The following SPATA31F1 variants were observed in gnomAD, a reference collection of about 807,000 sequenced individuals.
SPATA31F1 encodes SPATA31 subfamily F member 1.
chr9:34,723,298 G>T, the SPATA31F1 span: 3 of 1,551,620 alleles, frequency 1.9e-6, no homozygotes, highest in Non-Finnish European at 2.6e-6. Flanking sequence ...AGTGGCGGGG[G>T]TAGCCCAGGG....
chr9:34,724,704 T>C, the SPATA31F1 span: 1 of 1,550,254 alleles, frequency 6.5e-7, no homozygotes, highest in Non-Finnish European at 8.7e-7. Flanking sequence ...CAACTCTCAT[T>C]GTTGCCTTGA....
chr9:34,729,445 C>T, the SPATA31F1 span: 1 of 1,541,710 alleles, frequency 6.5e-7, no homozygotes, highest in Non-Finnish European at 8.8e-7. Flanking sequence ...ACTTCATTAG[C>T]ATGAGATCAA....
chr9:34,723,265 C>G, the SPATA31F1 span: 1 of 1,551,602 alleles, frequency 6.4e-7, no homozygotes, highest in Non-Finnish European at 8.7e-7. Context: ...TGGCACAAGC[C>G]TCTCGAGGAC....
chr9:34,729,461 C>T, the SPATA31F1 span: 5 of 1,527,214 alleles, frequency 3.3e-6, no homozygotes, highest in Non-Finnish European at 4.4e-6. Context: ...ATCAACCATC[C>T]CTCTATCTCG....
chr9:34,726,118 A>G, the SPATA31F1 span: 1 of 1,463,756 alleles, frequency 6.8e-7, no homozygotes, highest in Non-Finnish European at 9.3e-7. Flanking sequence ...ACCATTCAGA[A>G]ACCCAGAAGG....
At chr9:34,726,268 G>A in the SPATA31F1 span, 3 of 1,531,116 alleles carry the variant, frequency 2.0e-6, no homozygotes, top group South Asian at 1.2e-5. Context: ...ACAATGGTGG[G>A]TTTGGCATAA....
At chr9:34,723,741 G>C in the SPATA31F1 span, 1 of 1,551,718 alleles carries the variant, frequency 6.4e-7, no homozygotes, top group Non-Finnish European at 8.7e-7. Context: ...GGCTGACCCT[G>C]TGAAGCCTGG....
At chr9:34,726,394 G>T in the SPATA31F1 span, 3 of 1,548,374 alleles carry the variant, frequency 1.9e-6, no homozygotes, top group Non-Finnish European at 2.6e-6. Flanking sequence ...ATGGCAGGTG[G>T]GCAGGGAGGA....
chr9:34,728,350 C>T, the SPATA31F1 span, among the ~76,000 whole-genome samples: 1 of 152,190 alleles, frequency 6.6e-6, no homozygotes, highest in Non-Finnish European at 1.5e-5. Context: ...AAATGACTTC[C>T]ACAGGGTCAT....
At chr9:34,724,261 G>A in the SPATA31F1 span, 9 of 1,551,512 alleles carry the variant, frequency 5.8e-6, no homozygotes, top group South Asian at 1.2e-5. Flanking sequence ...GTGAGATCTT[G>A]GAGACCGAGT....
chr9:34,727,035 T>C, the SPATA31F1 span: 2 of 1,520,588 alleles, frequency 1.3e-6, no homozygotes, highest in Non-Finnish European at 1.8e-6. Context: ...GACATCTGCC[T>C]TCTTGGAAGA....
the SPATA31F1 span, chr9:34,723,718 T>C: frequency 6.4e-7 from 1 of 1,551,724 alleles, no homozygotes; most frequent in African/African-American, 1.4e-5. Context: ...CCTGAGTTGG[T>C]TGGCTCAGGA....
chr9:34,729,138 A>C, the SPATA31F1 span: 1 of 1,008,190 alleles, frequency 9.9e-7, no homozygotes, highest in African/African-American at 1.6e-5. Flanking sequence ...GTAAGGAATT[A>C]TAGTCTCTGA....
chr9:34,728,240 C>G, the SPATA31F1 span, among the ~76,000 whole-genome samples: 1 of 152,198 alleles, frequency 6.6e-6, no homozygotes, highest in African/African-American at 2.4e-5. Flanking sequence ...CGCTGTAACA[C>G]AATGTCCCAT....
chr9:34,728,375 A>T, the SPATA31F1 span, among the ~76,000 whole-genome samples: 1 of 152,274 alleles, frequency 6.6e-6, no homozygotes, highest in African/African-American at 2.4e-5. Context: ...CTAGTAAGTT[A>T]TACAATTAAG....
the SPATA31F1 span, chr9:34,725,775 G>C: frequency 6.5e-7 from 1 of 1,548,886 alleles, no homozygotes; most frequent in Non-Finnish European, 8.7e-7. Context: ...GAAGAGGGTG[G>C]GGCTGACTGG....
At chr9:34,723,490 A>G in the SPATA31F1 span, 1 of 1,551,830 alleles carries the variant, frequency 6.4e-7, no homozygotes, top group Non-Finnish European at 8.7e-7. Flanking sequence ...GGCTCTTTGC[A>G]ACATTTTCTT....
At chr9:34,725,866 T>C in the SPATA31F1 span, 1 of 1,551,998 alleles carries the variant, frequency 6.4e-7, no homozygotes, top group Non-Finnish European at 8.7e-7. Context: ...TGGGCACATT[T>C]TCAATCTTGG....
At chr9:34,723,688 T>G in the SPATA31F1 span, 189 of 1,551,534 alleles carry the variant, frequency 1.2e-4, no homozygotes, top group Admixed American at 1.4e-4. Flanking sequence ...CTTGCAAAGT[T>G]TGGCCCTGCA....
Sources: gnomAD v4.1 joint callset for allele counts (sites outside exome capture counted in the v4.1 genomes callset) on GRCh38, gnomAD v4.1.1 for gene constraint, MANE v1.5 for transcripts, NCBI Gene and HGNC (gene_info 2026-07-23, HGNC 2026-07-21) for gene names.